RAP1GAP2: variants seen among roughly 807,000 people sequenced by gnomAD.
RAP1GAP2 encodes rap1 GTPase-activating protein 2.
A neutral mutation model predicts 95.0 loss-of-function variants in RAP1GAP2; 27 were observed. The ratio of observed to expected loss-of-function variants is 0.28; its 90% CI spans 0.21 to 0.39. The LOEUF is 0.39. RAP1GAP2 is among the 10% of genes least tolerant of loss of function. The pLI is 1.00. For synonymous variants in RAP1GAP2, 373 were observed against 380.9 expected (o/e 0.98, Z 0.24); for missense variants, 771 against 970.0 (o/e 0.79, Z 2.72).
chr17:2,999,024 A>G (rs932209025), intron 14 of RAP1GAP2, among the ~76,000 whole-genome samples: 1 of 152,160 alleles, frequency 6.6e-6, no homozygotes, highest in Non-Finnish European at 1.5e-5. Flanking sequence ...GCTGTTTTGG[A>G]CAAATGATGG....
Position 2,981,202 on chromosome 17 carries a change from G to C in RAP1GAP2, c.683G>C (p.Cys228Ser), listed in dbSNP as rs1345422092. The stretch of plus-strand genomic sequence containing the variant: ...CTTCTTCTCCCTTCTCAGGCTTTCT[G>C]TGATGATGCAGTGGGACTGAGATTC... ...PSVPQIAKAF[C>S]DDAVGLRFNP... Residue 228 changes from cysteine (C) to serine (S), a missense_variant, in exon 10 of 25, where the codon TGT becomes TCT. Coordinates refer to ENST00000254695, the MANE Select transcript of RAP1GAP2 (RefSeq NM_015085.5). The C allele has an allele frequency of 5.0e-6, 8 of 1,612,570 alleles. No homozygotes were observed. The highest frequency in any genetic ancestry group is 5.9e-6 in the Non-Finnish European group (7 of 1,179,280).
chr17:2,837,519 G>A (rs529052372), intron 2 of RAP1GAP2, among the ~76,000 whole-genome samples: 13 of 151,860 alleles, frequency 8.6e-5, no homozygotes, highest in African/African-American at 3.1e-4. Flanking sequence ...TCAGCTCCTC[G>A]TTTCCTGGGG....
chr17:2,995,588 C>G, intron 13 of RAP1GAP2, 122 bp downstream of exon 13: 1 of 1,335,514 alleles, frequency 7.5e-7, no homozygotes, highest in Admixed American at 2.2e-5. Context: ...GCCATTCGTT[C>G]AGCTGCGCAG....
intron 2 of RAP1GAP2, among the ~76,000 whole-genome samples, chr17:2,832,638 G>A (rs1303360189): frequency 1.3e-5 from 2 of 151,042 alleles, no homozygotes; most frequent in African/African-American, 4.9e-5. Context: ...AGTAGCCACT[G>A]TTCAGAGTTT....
At chr17:3,012,837 A>G (rs2046608486) in intron 17 of RAP1GAP2, among the ~76,000 whole-genome samples, 1 of 152,076 alleles carries the variant, frequency 6.6e-6, no homozygotes, top group South Asian at 2.1e-4. Context: ...TCTCTAGACC[A>G]TTTTCCAGTG....
At chr17:3,018,339 C>G in intron 18 of RAP1GAP2, 141 bp downstream of exon 18, 1 of 1,198,934 alleles carries the variant, frequency 8.3e-7, no homozygotes, top group Non-Finnish European at 1.1e-6. Context: ...ACTGAGGCTG[C>G]TTGGGGGTGA....
chr17:2,915,900 A>T, intron 3 of RAP1GAP2, among the ~76,000 whole-genome samples: 1 of 151,768 alleles, frequency 6.6e-6, no homozygotes. Context: ...GGGTTTCACC[A>T]CGTTGGCCAG....
At chr17:2,789,422 A>T (rs1385512555) in intron 1 of RAP1GAP2, among the ~76,000 whole-genome samples, 1 of 152,128 alleles carries the variant, frequency 6.6e-6, no homozygotes, top group Non-Finnish European at 1.5e-5. Flanking sequence ...TAACTGTAGT[A>T]AACTTCGTAG....
chr17:2,959,532 C>T (rs1159592895), intron 4 of RAP1GAP2, among the ~76,000 whole-genome samples: 1 of 152,204 alleles, frequency 6.6e-6, no homozygotes, highest in Non-Finnish European at 1.5e-5. Context: ...CCATGGAGTG[C>T]CCGCGTGGGC....
intron 2 of RAP1GAP2, among the ~76,000 whole-genome samples, chr17:2,840,546 G>A (rs920824735): frequency 7.3e-5 from 11 of 151,336 alleles, no homozygotes; most frequent in African/African-American, 1.5e-4. Flanking sequence ...TTCTTTTTTC[G>A]CTATGTTTCC....
At chr17:2,936,180 A>G (rs1377371486) in intron 3 of RAP1GAP2, among the ~76,000 whole-genome samples, 1 of 150,066 alleles carries the variant, frequency 6.7e-6, no homozygotes, top group African/African-American at 2.5e-5. Flanking sequence ...ATATGTATAC[A>G]CGTGCCATGT....
intron 12 of RAP1GAP2, among the ~76,000 whole-genome samples, chr17:2,992,744 C>T (rs576803670): frequency 6.6e-6 from 1 of 152,316 alleles, no homozygotes; most frequent in Admixed American, 6.5e-5. Flanking sequence ...CCTTCTCTGT[C>T]CTTCCTTCTT....
intron 2 of RAP1GAP2, among the ~76,000 whole-genome samples, chr17:2,851,927 A>G (rs528874397): frequency 6.6e-6 from 1 of 152,248 alleles, no homozygotes; most frequent in Admixed American, 6.5e-5. Flanking sequence ...CCTGCTGGGA[A>G]GGAGGATCAG....
chr17:2,819,340 T>C (rs977771844), intron 2 of RAP1GAP2, among the ~76,000 whole-genome samples: 5 of 150,066 alleles, frequency 3.3e-5, no homozygotes, highest in African/African-American at 1.2e-4. Context: ...TTTTCTTTTT[T>C]TGGAGACTGA....
At chr17:2,787,926 G>C (rs1017677168) in intron 1 of RAP1GAP2, among the ~76,000 whole-genome samples, 2 of 152,174 alleles carry the variant, frequency 1.3e-5, no homozygotes, top group Non-Finnish European at 2.9e-5. Flanking sequence ...CATATATTAA[G>C]TGCTACCTCG....
chr17:2,824,242 G>A (rs1029325584), intron 2 of RAP1GAP2, among the ~76,000 whole-genome samples: 8 of 151,498 alleles, frequency 5.3e-5, no homozygotes, highest in Non-Finnish European at 1.0e-4. Context: ...GAGATTAGGA[G>A]TTCGAGACCA....
upstream of RAP1GAP2, among the ~76,000 whole-genome samples, chr17:2,794,870 CTTTTTTTTTTTTT>C (rs148825285): frequency 1.7e-5 from 1 of 57,934 alleles, no homozygotes; most frequent in East Asian, 6.7e-4. Context: ...CGTTTTTTTC[CTTTTTTTTTTTTT>C]TTTTTTTTTT....
Position 2,778,440 on chromosome 17 carries a change from G to A in RAP1GAP2, c.-14+1162G>A, listed in dbSNP as rs190067608. On this transcript the variant is annotated intron_variant, in intron 1 of 24. Transcript: ENST00000540393. Reference sequence around the variant, plus strand: ...TAAGTGGGACTGCTCAGCTCAGCATGTTGAGGCAATTTGGTGGGAGGTGGC... The same window carrying A: ...TAAGTGGGACTGCTCAGCTCAGCATATTGAGGCAATTTGGTGGGAGGTGGC... 9.0e-4 allele frequency among the ~76,000 whole-genome samples: 137 copies of A among 152,252 alleles called. 1 individual carries two copies. Among genetic ancestry groups the A allele is most frequent in the Admixed American group, 7.6e-3 (116 of 15,288 alleles).
At chr17:2,832,678 G>T (rs1223569213) in intron 2 of RAP1GAP2, among the ~76,000 whole-genome samples, 2 of 151,506 alleles carry the variant, frequency 1.3e-5, no homozygotes, top group African/African-American at 4.9e-5. Context: ...ATTTAAACAG[G>T]GCTGGGTGCA....
Sources: allele counts gnomAD v4.1 joint callset (sites outside exome capture counted in the v4.1 genomes callset), GRCh38; gene constraint gnomAD v4.1.1; transcripts MANE v1.5; gene names NCBI Gene and HGNC (gene_info 2026-07-23, HGNC 2026-07-21).